The following PLA2G4F variants were observed in gnomAD, a reference collection of about 807,000 sequenced individuals.
The protein encoded by PLA2G4F is phospholipase A2 group IVF.
Under a neutral mutation model 103.1 loss-of-function variants are expected in PLA2G4F, and 105 were observed. That is an observed-to-expected ratio of 1.02 (90% CI 0.87 to 1.20). The LOEUF is 1.20. Among genes scored for constraint, PLA2G4F ranks in the 50% most tolerant of loss-of-function variants. PLA2G4F has a pLI of 0.00. For missense variants in PLA2G4F, 1,155 were observed against 1,075.9 expected (o/e 1.07, Z -1.03); for synonymous variants, 468 against 441.1 (o/e 1.06, Z -0.76).
intron 1 of PLA2G4F, among the ~76,000 whole-genome samples, chr15:42,156,131 T>A (rs984647990): frequency 6.6e-6 from 1 of 152,170 alleles, no homozygotes; most frequent in East Asian, 1.9e-4. Context: ...GCATGCTGCC[T>A]ACTGGGAGGG....
At chr15:42,153,384 A>C in intron 5 of PLA2G4F, 42 bp from the exon 6 acceptor site, 2 of 1,596,244 alleles carry the variant, frequency 1.3e-6, no homozygotes, top group South Asian at 2.2e-5. Context: ...ATCTGGCCCC[A>C]TCATGATGGC....
At chr15:42,155,453 G>A (rs1298059270) in intron 2 of PLA2G4F, 64 bp downstream of exon 2, 29 of 1,543,978 alleles carry the variant, frequency 1.9e-5, no homozygotes, top group Non-Finnish European at 2.5e-5. Context: ...TAGCCAGCCT[G>A]AGCTGAGCTC....
rs2048942084 is a variant in PLA2G4F, at chr15:42,150,264, C to G, written c.885+109G>C. ...GGCCCGATGTGGACATCATAACTGA[C>G]CTCTGGACTGACCTGATCCAGCCAC... On this transcript the variant is annotated intron_variant, in intron 9 of 19. Transcript: ENST00000397272. 4 of 1,540,290 alleles carry G rather than the reference C, an allele frequency of 2.6e-6. No individual in the cohort carries two copies. The South Asian group carries it at 4.6e-5, about 18-fold the overall frequency.
rs1327631639 is a variant in PLA2G4F at position 42,142,011 on chromosome 15, G to A, written c.2523C>T (p.His841=). 2 of 1,614,034 alleles carry A rather than the reference G, an allele frequency of 1.2e-6. No individual in the cohort carries two copies. Among genetic ancestry groups the A allele is most frequent in the Non-Finnish European group, 1.7e-6 (2 of 1,180,020 alleles). ...KCALQLALDR[H]QARERAGA ...AGGCCCCTGCCCTCTCCCGAGCCTG[G>A]TGCCGGTCCAGAGCCAGCTGGAGGG... Residue 841 remains histidine (H), a synonymous_variant, in exon 20 of 20, where the codon CAC becomes CAT. Transcript: ENST00000397272.
At chr15:42,152,242 T>C (rs893850844) in intron 7 of PLA2G4F, among the ~76,000 whole-genome samples, 10 of 152,266 alleles carry the variant, frequency 6.6e-5, no homozygotes, top group Non-Finnish European at 4.4e-5. Context: ...TGTTAGGTAG[T>C]GGCCAGGCTG....
In PLA2G4F at chr15:42,142,175, C is replaced by G; in HGVS notation, c.2359G>C (p.Ala787Pro). 6.2e-7 allele frequency: 1 copy of G among 1,613,786 alleles called. No homozygotes were observed. The highest frequency in any genetic ancestry group is 2.2e-5 in the East Asian group (1 of 44,882). ...CTGTTGATGACAAAGTCCCCAAAGGCCTTCTCCTCAGCTGTTTGTCGCTCC... is the reference window on the plus strand; with the variant it reads ...CTGTTGATGACAAAGTCCCCAAAGGGCTTCTCCTCAGCTGTTTGTCGCTCC... ...GVERQTAEEK[A>P]FGDFVINRPD... The change falls in exon 20 of 20, where the codon GCC becomes CCC. Residue 787 changes from alanine to proline, a missense_variant. Physicochemically the swap from Ala to Pro is conservative, Grantham distance 27. Around this residue, in one of 3 missense-constraint regions of PLA2G4F, gnomAD observed 782 missense variants for 692.9 expected, o/e 1.13. Coordinates refer to ENST00000397272, the MANE Select transcript of PLA2G4F (RefSeq NM_213600.4).
chr15:42,142,821 G>T, intron 18 of PLA2G4F, 107 bp from the exon 19 acceptor site: 2 of 1,179,870 alleles, frequency 1.7e-6, no homozygotes, highest in Non-Finnish European at 2.4e-6. Context: ...TTTCTGACTA[G>T]CTGAGTGACT....
At position 42,142,590 on chromosome 15, in the gene PLA2G4F, C is replaced by CGGGGGTCCTCAGCCTT. The variant is rs1566876914; in HGVS notation, c.2251_2266dup (p.Arg756GlnfsTer3). The CGGGGGTCCTCAGCCTT allele has an allele frequency of 6.2e-7, 1 of 1,614,076 alleles. No homozygotes were observed. Among genetic ancestry groups the CGGGGGTCCTCAGCCTT allele is most frequent in the South Asian group, 1.1e-5 (1 of 91,068 alleles). On this transcript the variant is annotated stop_gained and frameshift_variant, in exon 19 of 20. Transcript: ENST00000397272. LOFTEE classifies it high-confidence loss of function. ...GGGGAAGTGCAGCACAATGGGGGAG[C>CGGGGGTCCTCAGCCTT]GGGGGTCCTCAGCCTTGGCAAACAG...
chr15:42,145,832 C>G lies in PLA2G4F; in HGVS notation c.1606G>C (p.Gly536Arg). 2 of 1,614,106 alleles carry G rather than the reference C, an allele frequency of 1.2e-6. No individual in the cohort carries two copies. The highest frequency in any genetic ancestry group is 1.7e-6 in the Non-Finnish European group (2 of 1,180,028). Residue 536 changes from glycine to arginine, a missense_variant, in exon 15 of 20, where the codon GGC becomes CGC. Physicochemically the swap from Gly to Arg is moderately radical, Grantham distance 125. This residue lies in a region of PLA2G4F where 782 missense variants were observed against 692.9 expected (regional missense o/e 1.13). Transcript: ENST00000397272. ...AATCGTCCCATGAAGAGTTCTGAGC[C>G]GAAGAGCTCGGTGGGAACATAAGCC... ...YGAYVPTELFGSELFMGRLLQ... is the reference protein window; with the variant it reads ...YGAYVPTELFRSELFMGRLLQ...
chr15:42,150,422 G>A lies in PLA2G4F; in HGVS notation c.836C>T (p.Ser279Phe). 1 of 1,613,424 alleles carries A rather than the reference G, an allele frequency of 6.2e-7. No individual in the cohort carries two copies. Among genetic ancestry groups the A allele is most frequent in the Non-Finnish European group, 8.5e-7 (1 of 1,179,944 alleles). ...TTCCTCCTGGCCTAGGGGCAGAGAGGAGAGCAGGATGCCCCCCTCGCCCAG... is the reference window on the plus strand; with the variant it reads ...TTCCTCCTGGCCTAGGGGCAGAGAGAAGAGCAGGATGCCCCCCTCGCCCAG... ...SKLGEGGILL[S>F]SLPLGQEEQC... The change falls in exon 9 of 20, where the codon TCC becomes TTC. Residue 279 changes from serine to phenylalanine, a missense_variant. Ser to Phe is a radical substitution (Grantham distance 155). Coordinates refer to ENST00000397272, the MANE Select transcript of PLA2G4F (RefSeq NM_213600.4).
rs956141393 is a variant in PLA2G4F at position 42,140,858 on chromosome 15, C to T, written c.*1126G>A. The T allele has an allele frequency of 3.6e-5, 8 of 223,554 alleles. No homozygotes were observed. The highest frequency in any genetic ancestry group is 1.8e-4 in the African/African-American group (8 of 44,934). 13.8% of individuals were successfully genotyped at this position (223,554 alleles called of 1,614,324 possible). On this transcript the variant is annotated 3_prime_UTR_variant, in exon 20 of 20. Coordinates refer to ENST00000397272, the MANE Select transcript of PLA2G4F (RefSeq NM_213600.4). ...CTGCAGGCTCCTAGGCAGCTCAGCACTGGAGGCATATGCTGCAGAGGCCGT... is the reference window on the plus strand; with the variant it reads ...CTGCAGGCTCCTAGGCAGCTCAGCATTGGAGGCATATGCTGCAGAGGCCGT...
intron 1 of PLA2G4F, among the ~76,000 whole-genome samples, chr15:42,156,036 C>T (rs1316892118): frequency 2.6e-5 from 4 of 152,270 alleles, no homozygotes; most frequent in African/African-American, 2.4e-5. Context: ...AGCAGGTGAG[C>T]GGAAGCCGAG....
intron 16 of PLA2G4F, 47 bp from the exon 17 acceptor site, chr15:42,144,691 C>T (rs2141127047): frequency 6.7e-7 from 1 of 1,503,386 alleles, no homozygotes; most frequent in Non-Finnish European, 8.9e-7. Context: ...TGGCATCCTC[C>T]TTTGCCCAGT....
At chr15:42,152,389 C>T (rs2048969707) in intron 7 of PLA2G4F, among the ~76,000 whole-genome samples, 1 of 152,200 alleles carries the variant, frequency 6.6e-6, no homozygotes, top group African/African-American at 2.4e-5. Flanking sequence ...TGGGCCACCC[C>T]CGCCAAGCCC....
At chr15:42,143,176 T>TTAAAAA (rs1434516088) in intron 18 of PLA2G4F, among the ~76,000 whole-genome samples, 2 of 89,698 alleles carry the variant, frequency 2.2e-5, no homozygotes, top group African/African-American at 4.9e-5. Flanking sequence ...AGACTCCATC[T>TTAAAAA]AAAAAAAAAA....
At chr15:42,143,052 G>T (rs2048841589) in intron 18 of PLA2G4F, among the ~76,000 whole-genome samples, 2 of 151,702 alleles carry the variant, frequency 1.3e-5, no homozygotes, top group South Asian at 4.2e-4. Flanking sequence ...GGTGGTGTGT[G>T]CCTATAGTCC....
chr15:42,142,809 T>C, intron 18 of PLA2G4F, 95 bp from the exon 19 acceptor site: 1 of 1,279,808 alleles, frequency 7.8e-7, no homozygotes, highest in Non-Finnish European at 1.1e-6. Flanking sequence ...ATGCCAGCTC[T>C]GTTTCTGACT....
In PLA2G4F at chr15:42,140,889, G is replaced by A. The variant is rs1416808782; in HGVS notation, c.*1095C>T. On this transcript the variant is annotated 3_prime_UTR_variant, in exon 20 of 20. Coordinates refer to ENST00000397272, the MANE Select transcript of PLA2G4F (RefSeq NM_213600.4). ...GCATATGCTGCAGAGGCCGTGGCCAGATGGAGAGGGCCTGGCCAGAACGGG... is the reference window on the plus strand; with the variant it reads ...GCATATGCTGCAGAGGCCGTGGCCAAATGGAGAGGGCCTGGCCAGAACGGG... 1.2e-5 allele frequency: 3 copies of A among 248,564 alleles called. No homozygotes were observed. In the Admixed American group the frequency reaches 1.4e-4, roughly 11 times the overall value. The allele number at this position is 248,564 out of a possible 1,614,324, so 15.4% of individuals were successfully genotyped here. A position where few individuals can be genotyped will look rare whatever the true frequency, so the allele number is the denominator to read the frequency against.
chr15:42,145,599 A>C lies in PLA2G4F; in HGVS notation c.1756T>G (p.Tyr586Asp). 1.9e-6 allele frequency: 3 copies of C among 1,613,962 alleles called. No individual in the cohort carries two copies. The highest frequency in any genetic ancestry group is 2.5e-6 in the Non-Finnish European group (3 of 1,179,958). ...CCTGTGATATTCACACTGCCTCTGTACCACTCCAGGAAGCTGAGGCCCGAG... is the reference window on the plus strand; with the variant it reads ...CCTGTGATATTCACACTGCCTCTGTCCCACTCCAGGAAGCTGAGGCCCGAG... ...AGSGLSFLEW[Y>D]RGSVNITDDC... Residue 586 changes from tyrosine (Y) to aspartate (D), a missense_variant, in exon 16 of 20, where the codon TAC becomes GAC. Coordinates refer to ENST00000397272, the MANE Select transcript of PLA2G4F (RefSeq NM_213600.4).
Sources: gnomAD v4.1 joint callset for allele counts (sites outside exome capture counted in the v4.1 genomes callset) on GRCh38, gnomAD v4.1.1 for gene constraint, gnomAD v4.1.1 regional missense constraint, MANE v1.5 for transcripts, NCBI Gene and HGNC (gene_info 2026-07-23, HGNC 2026-07-21) for gene names.